The following EPB41L3 variants were observed in gnomAD, a reference collection of about 807,000 sequenced individuals.
EPB41L3 encodes erythrocyte membrane protein band 4.1 like 3, also known as band 4.1-like protein 3.
Under a neutral mutation model 127.1 loss-of-function variants are expected in EPB41L3, and 57 were observed. That is an observed-to-expected ratio of 0.45 (90% confidence interval 0.36 to 0.56). The LOEUF is 0.56. Ranked by LOEUF, EPB41L3 falls within the 20% of genes least tolerant of loss-of-function variation. EPB41L3 has a pLI of 0.00. For missense variants in EPB41L3, 1,273 were observed against 1,372.2 expected (o/e 0.93, Z 1.14); for synonymous variants, 572 against 549.5 (o/e 1.04, Z -0.57).
intron 3 of EPB41L3, among the ~76,000 whole-genome samples, chr18:5,449,372 C>T (rs571495699): frequency 5.3e-5 from 8 of 152,324 alleles, no homozygotes; most frequent in African/African-American, 1.7e-4. Flanking sequence ...AACTCTTATT[C>T]ATTGCTGACA....
chr18:5,465,899 C>T (rs1186914257), intron 3 of EPB41L3, among the ~76,000 whole-genome samples: 1 of 151,684 alleles, frequency 6.6e-6, no homozygotes, highest in African/African-American at 2.4e-5. Flanking sequence ...GTTAGGGTAT[C>T]TACATTCTGA....
chr18:5,487,867 G>A (rs1322684310), intron 2 of EPB41L3, among the ~76,000 whole-genome samples: 2 of 151,050 alleles, frequency 1.3e-5, no homozygotes, highest in African/African-American at 2.4e-5. Flanking sequence ...ACAGTTTAAT[G>A]CTGTGACTTC....
chr18:5,436,490 G>C (rs1482387566), intron 6 of EPB41L3, among the ~76,000 whole-genome samples: 1 of 138,988 alleles, frequency 7.2e-6, no homozygotes, highest in Non-Finnish European at 1.5e-5. Flanking sequence ...CTCACTGCAA[G>C]CTCCGCCTCC....
chr18:5,527,812 A>C (rs1048778593), intron 1 of EPB41L3, among the ~76,000 whole-genome samples: 13 of 152,238 alleles, frequency 8.5e-5, no homozygotes, highest in Admixed American at 8.5e-4. Context: ...GAGAAGGGAG[A>C]AGCATGACTC....
intron 1 of EPB41L3, among the ~76,000 whole-genome samples, chr18:5,618,911 C>T (rs949219137): frequency 3.3e-5 from 5 of 152,178 alleles, no homozygotes; most frequent in African/African-American, 1.2e-4. Context: ...CCTCTCTCTG[C>T]AACTTCAATA....
intron 1 of EPB41L3, among the ~76,000 whole-genome samples, chr18:5,491,013 T>A (rs796285449): frequency 5.9e-5 from 9 of 152,348 alleles, no homozygotes; most frequent in African/African-American, 2.2e-4. Context: ...ATTTTCTTCA[T>A]CTTCTTTTGG....
chr18:5,426,987 A>G (rs955125772), intron 9 of EPB41L3, among the ~76,000 whole-genome samples: 6 of 152,180 alleles, frequency 3.9e-5, no homozygotes, highest in Non-Finnish European at 5.9e-5. Flanking sequence ...AAACATCATT[A>G]CATGCTTTAT....
Position 5,589,757 on chromosome 18 carries a change from G to A in EPB41L3, c.-306+22583C>T, listed in dbSNP as rs533198261. Among the ~76,000 whole-genome samples, 39 of 152,182 alleles carry A rather than the reference G, an allele frequency of 2.6e-4. 2 individuals are homozygous for A. In the South Asian group the frequency reaches 8.1e-3, roughly 32 times the overall value. On this transcript the variant is annotated intron_variant, in intron 3 of 21. Coordinates refer to the EPB41L3 transcript ENST00000545076. ...CATAATTTTATGCACACTTTTTTGG[G>A]GTCTGCTGCTGTTTTAAATGAGGAC...
At chr18:5,414,899 G>C (rs1243918764) in intron 13 of EPB41L3, among the ~76,000 whole-genome samples, 1 of 152,234 alleles carries the variant, frequency 6.6e-6, no homozygotes. Flanking sequence ...AGCCTGCCCT[G>C]CAGCAGCATG....
At chr18:5,507,056 A>T (rs950556124) in intron 1 of EPB41L3, among the ~76,000 whole-genome samples, 1 of 152,180 alleles carries the variant, frequency 6.6e-6, no homozygotes, top group African/African-American at 2.4e-5. Flanking sequence ...GTGTAAAATG[A>T]AACAGGCAAA....
chr18:5,412,881 A>T (rs1263877325), intron 13 of EPB41L3, among the ~76,000 whole-genome samples: 1 of 152,018 alleles, frequency 6.6e-6, no homozygotes, highest in African/African-American at 2.4e-5. Flanking sequence ...AAAAAAAAAA[A>T]AAAAATGCCT....
intron 2 of EPB41L3, among the ~76,000 whole-genome samples, chr18:5,612,664 G>T (rs1372545607): frequency 6.6e-6 from 1 of 152,146 alleles, no homozygotes; most frequent in African/African-American, 2.4e-5. Context: ...TGCTAAAGAT[G>T]CAGAAAAAAA....
At chr18:5,626,832 T>C (rs1027741059) in intron 1 of EPB41L3, among the ~76,000 whole-genome samples, 20 of 152,138 alleles carry the variant, frequency 1.3e-4, no homozygotes, top group African/African-American at 4.8e-4. Context: ...CCCTAATTCC[T>C]CAAGAGGAAA....
rs2079290216 is a variant in EPB41L3, at chr18:5,433,526, A to G, written c.855T>C (p.His285=). 5 of 1,613,422 alleles carry G rather than the reference A, an allele frequency of 3.1e-6. No homozygotes were observed. The African/African-American group carries it at 6.7e-5, about 22-fold the overall frequency. ...RGMTPAEAEM[H]FLENAKKLSM... is the part of the protein sequence containing the mutation. ...ATAATTTTTTGGCATTTTCCAAGAA[A>G]TGCATCTCTGCTTCTGCTGGCGTCA... Residue 285 remains histidine (H), a synonymous_variant, in exon 8 of 23, where the codon CAT becomes CAC. Transcript: ENST00000341928.
In EPB41L3 at chr18:5,402,964, A is replaced by G. The variant is rs565806609; in HGVS notation, c.2349+3813T>C. On this transcript the variant is annotated intron_variant, in intron 16 of 22. Transcript: ENST00000341928. Reference sequence around the variant, plus strand: ...AGCTCAAGGAATTACTGTACAGTGAACACGCCTGTAAAACTATCACTCATA... The same window carrying G: ...AGCTCAAGGAATTACTGTACAGTGAGCACGCCTGTAAAACTATCACTCATA... Among the ~76,000 whole-genome samples the G allele has an allele frequency of 6.6e-5, 10 of 152,328 alleles. No individual in the cohort carries two copies. In the South Asian group the frequency reaches 2.1e-3, roughly 32 times the overall value.
chr18:5,546,531 A>G (rs112022060), upstream of EPB41L3, among the ~76,000 whole-genome samples: 1,107 of 152,320 alleles, frequency 7.3e-3, 14 homozygotes, highest in African/African-American at 0.025. Flanking sequence ...CTCGTCTCAA[A>G]AAACTACAAC....
intron 3 of EPB41L3, among the ~76,000 whole-genome samples, chr18:5,550,964 G>A (rs922064649): frequency 9.9e-5 from 15 of 152,142 alleles, no homozygotes; most frequent in African/African-American, 3.4e-4. Flanking sequence ...CGTCTTCTCA[G>A]ATCCATCAAC....
chr18:5,574,035 C>G (rs2094311616), intron 3 of EPB41L3, among the ~76,000 whole-genome samples: 1 of 151,930 alleles, frequency 6.6e-6, no homozygotes, highest in South Asian at 2.1e-4. Context: ...GTCAGCCTCC[C>G]AAACAGCTGG....
At chr18:5,629,421 A>ACACAC (rs1472292326), upstream of EPB41L3, among the ~76,000 whole-genome samples, 10 of 138,632 alleles carry the variant, frequency 7.2e-5, no homozygotes, top group African/African-American at 1.3e-4. Flanking sequence ...CACACCACAC[A>ACACAC]CACACACACA....
Sources: allele counts gnomAD v4.1 joint callset (sites outside exome capture counted in the v4.1 genomes callset), GRCh38; gene constraint gnomAD v4.1.1; transcripts MANE v1.5; gene names NCBI Gene and HGNC (gene_info 2026-07-23, HGNC 2026-07-21).